TASP1: variants seen among roughly 807,000 people sequenced by gnomAD.
TASP1 encodes the protein threonine aspartase 1.
Under a neutral mutation model 56.6 loss-of-function variants are expected in TASP1, and 16 were observed. The observed-to-expected ratio is 0.28, with a 90% CI of 0.19 to 0.43. The LOEUF (loss-of-function observed/expected upper bound fraction) is 0.43, where lower values mean the gene tolerates loss of function less well. TASP1 is among the 20% of genes least tolerant of loss of function. The pLI is 1.00. For synonymous variants in TASP1, 179 were observed against 184.2 expected (o/e 0.97, Z 0.23); for missense variants, 393 against 511.6 (o/e 0.77, Z 2.24).
chr20:13,189,260 C>T, the TASP1 span, among the ~76,000 whole-genome samples: 745 of 152,250 alleles, frequency 4.9e-3, 3 homozygotes, highest in Non-Finnish European at 6.8e-3. Context: ...GAATTTATGA[C>T]TAAGTCCTCA....
the TASP1 span, among the ~76,000 whole-genome samples, chr20:13,305,500 T>G: frequency 6.6e-6 from 1 of 152,214 alleles, no homozygotes; most frequent in African/African-American, 2.4e-5. Flanking sequence ...TCTCTGTTTG[T>G]CATTCATTTA....
the TASP1 span, among the ~76,000 whole-genome samples, chr20:13,263,530 T>C: frequency 6.6e-6 from 1 of 152,230 alleles, no homozygotes; most frequent in Admixed American, 6.5e-5. Context: ...TTTTCTTCTT[T>C]TATCTCTTCA....
At chr20:13,612,712 C>T (rs915297062) in intron 4 of TASP1, among the ~76,000 whole-genome samples, 23 of 152,050 alleles carry the variant, frequency 1.5e-4, no homozygotes, top group African/African-American at 5.6e-4. Context: ...TTAACGACTT[C>T]AAGATCAAGA....
chr20:13,620,710 A>T (rs2048683526), intron 4 of TASP1, among the ~76,000 whole-genome samples: 1 of 152,226 alleles, frequency 6.6e-6, no homozygotes, highest in Non-Finnish European at 1.5e-5. Context: ...ACTAAAGATA[A>T]GTGTTTATTC....
At chr20:13,152,700 T>G in the TASP1 span, among the ~76,000 whole-genome samples, 1 of 152,172 alleles carries the variant, frequency 6.6e-6, no homozygotes, top group Non-Finnish European at 1.5e-5. Flanking sequence ...TTCCAACTGA[T>G]TAAGACTGGC....
intron 4 of TASP1, among the ~76,000 whole-genome samples, chr20:13,591,895 T>G (rs762013668): frequency 1.3e-5 from 2 of 152,010 alleles, no homozygotes; most frequent in Non-Finnish European, 2.9e-5. Flanking sequence ...AAGTAGACTA[T>G]GATAATCCAA....
chr20:13,278,853 G>C, the TASP1 span, among the ~76,000 whole-genome samples: 2 of 152,206 alleles, frequency 1.3e-5, no homozygotes, highest in African/African-American at 4.8e-5. Context: ...CGTGGGCTGA[G>C]GGACCTTGGT....
chr20:13,461,752 G>A (rs1390022138), intron 11 of TASP1, among the ~76,000 whole-genome samples: 1 of 152,150 alleles, frequency 6.6e-6, no homozygotes, highest in East Asian at 1.9e-4. Flanking sequence ...CCCAGTGTAG[G>A]TTATTTCACT....
intron 4 of TASP1, among the ~76,000 whole-genome samples, chr20:13,601,284 CA>C (rs35228235): frequency 0.47 from 65,177 of 138,230 alleles, 15,572 homozygotes; most frequent in African/African-American, 0.67. Flanking sequence ...GCAACTGTCT[CA>C]AAAAAAAAAA....
the TASP1 span, among the ~76,000 whole-genome samples, chr20:13,331,329 C>T: frequency 6.6e-6 from 1 of 152,170 alleles, no homozygotes; most frequent in Non-Finnish European, 1.5e-5. Context: ...TCCCAACAAA[C>T]TATAGACGGT....
intron 13 of TASP1, among the ~76,000 whole-genome samples, chr20:13,401,822 C>T (rs2041748006): frequency 6.6e-6 from 1 of 152,102 alleles, no homozygotes; most frequent in Non-Finnish European, 1.5e-5. Context: ...GGTTATATGT[C>T]CTGTGAGCAA....
the TASP1 span, among the ~76,000 whole-genome samples, chr20:13,365,429 AC>A: frequency 6.6e-6 from 1 of 152,238 alleles, no homozygotes; most frequent in Admixed American, 6.5e-5. Flanking sequence ...AAAAAGTAAA[AC>A]AGGATAACAA....
the TASP1 span, among the ~76,000 whole-genome samples, chr20:13,151,246 C>A: frequency 6.6e-6 from 1 of 152,184 alleles, no homozygotes; most frequent in Non-Finnish European, 1.5e-5. Flanking sequence ...TACTACCATC[C>A]TCTCTAAATT....
intron 11 of TASP1, among the ~76,000 whole-genome samples, chr20:13,477,438 C>CTTGGGGTTTGTTTT: frequency 6.6e-6 from 1 of 151,916 alleles, no homozygotes; most frequent in Non-Finnish European, 1.5e-5. Context: ...TTTTATCAAT[C>CTTGGGGTTTGTTTT]ATTATATTTA....
intron 1 of TASP1, 150 bp from the exon 2 acceptor site, chr20:13,630,302 AATT>A (rs1403924354): frequency 1.4e-5 from 7 of 489,464 alleles, no homozygotes; most frequent in Non-Finnish European, 2.4e-5. Context: ...TATTTATTAA[AATT>A]ATTTTTTCTT....
the TASP1 span, among the ~76,000 whole-genome samples, chr20:13,267,507 C>A: frequency 1.3e-5 from 2 of 152,106 alleles, no homozygotes; most frequent in African/African-American, 4.8e-5. Flanking sequence ...ACTAATCCTG[C>A]GGGGAGGGTA....
At chr20:13,214,710 C>A in the TASP1 span, among the ~76,000 whole-genome samples, 1 of 152,108 alleles carries the variant, frequency 6.6e-6, no homozygotes, top group South Asian at 2.1e-4. Flanking sequence ...GAAAGTAAAT[C>A]ACAAGGATTC....
chr20:13,387,841 G>A (rs893703389), downstream of TASP1, among the ~76,000 whole-genome samples: 1 of 152,218 alleles, frequency 6.6e-6, no homozygotes, highest in Non-Finnish European at 1.5e-5. Flanking sequence ...GTAATTAGAA[G>A]GTAAGAAAGG....
intron 4 of TASP1, among the ~76,000 whole-genome samples, chr20:13,588,296 AGG>A (rs879434659): frequency 0.011 from 1,507 of 136,582 alleles, 10 homozygotes; most frequent in Middle Eastern, 0.049. Flanking sequence ...GAAGGAAGGA[AGG>A]AAGGAAGGAA....
Sources: gnomAD v4.1 joint callset for allele counts (sites outside exome capture counted in the v4.1 genomes callset) on GRCh38, gnomAD v4.1.1 for gene constraint, MANE v1.5 for transcripts, NCBI Gene and HGNC (gene_info 2026-07-23, HGNC 2026-07-21) for gene names.